The following PEAK1 variants were observed in gnomAD, a reference collection of about 807,000 sequenced individuals.
PEAK1 encodes the protein pseudopodium enriched atypical kinase 1.
In PEAK1, 54 loss-of-function variants were observed where a neutral mutation model predicts 124.7. The ratio of observed to expected loss-of-function variants is 0.43; its 90% CI spans 0.35 to 0.54. The LOEUF (loss-of-function observed/expected upper bound fraction) is 0.54, where lower values mean the gene tolerates loss of function less well. Among genes scored for constraint, PEAK1 ranks in the 20% least tolerant of loss-of-function variants. The pLI is 0.01. For missense variants in PEAK1, 2,046 were observed against 2,134.5 expected (o/e 0.96, Z 0.82); for synonymous variants, 719 against 760.0 (o/e 0.95, Z 0.89).
chr15:77,348,217 A>AGTTGG (rs2066989885), intron 2 of PEAK1: 2 of 978,134 alleles, frequency 2.0e-6, no homozygotes, highest in Non-Finnish European at 2.4e-6. Context: ...CTGGGATCAG[A>AGTTGG]GACCCACCTG....
At chr15:77,401,510 A>C in intron 1 of PEAK1, 1 of 970,056 alleles carries the variant, frequency 1.0e-6, no homozygotes, top group Non-Finnish European at 1.2e-6. Flanking sequence ...GAGTATAAGA[A>C]GAACAATACT....
chr15:77,387,891 T>C (rs999270191), intron 1 of PEAK1, among the ~76,000 whole-genome samples: 1 of 152,228 alleles, frequency 6.6e-6, no homozygotes, highest in African/African-American at 2.4e-5. Context: ...TTTTGGTATC[T>C]GGCCAACTAT....
chr15:77,413,845 A>T (rs1026133800), intron 1 of PEAK1, among the ~76,000 whole-genome samples: 1 of 152,164 alleles, frequency 6.6e-6, no homozygotes, highest in Admixed American at 6.5e-5. Context: ...TTTCTTTGAG[A>T]CAGGGTCTTA....
At chr15:77,362,720 C>T (rs1337721803) in intron 2 of PEAK1, among the ~76,000 whole-genome samples, 1 of 151,830 alleles carries the variant, frequency 6.6e-6, no homozygotes, top group Non-Finnish European at 1.5e-5. Flanking sequence ...AATAAGTGTT[C>T]ACAGCAGAAT....
chr15:77,183,941 C>A (rs1352862787), intron 6 of PEAK1, among the ~76,000 whole-genome samples: 1 of 152,106 alleles, frequency 6.6e-6, no homozygotes, highest in Non-Finnish European at 1.5e-5. Flanking sequence ...AAGCCTCTCA[C>A]CTCAGCCTCT....
At chr15:77,218,947 A>C (rs184515701) in intron 6 of PEAK1, among the ~76,000 whole-genome samples, 39 of 152,274 alleles carry the variant, frequency 2.6e-4, no homozygotes, top group Non-Finnish European at 4.1e-4. Flanking sequence ...GTATGAAGGT[A>C]AGAAATCATA....
chr15:77,388,258 C>T (rs773559606), intron 1 of PEAK1, among the ~76,000 whole-genome samples: 8 of 152,154 alleles, frequency 5.3e-5, no homozygotes, highest in African/African-American at 1.9e-4. Context: ...AGGTACAAAA[C>T]TTGAGCCTCT....
Position 77,114,569 on chromosome 15 carries a change from C to A in PEAK1, c.4828G>T (p.Asp1610Tyr), listed in dbSNP as rs1381192940. The change falls in exon 10 of 10, where the codon GAT becomes TAT. Residue 1610 changes from aspartate to tyrosine, a missense_variant. By Grantham distance (160) the Asp-to-Tyr change is radical. Coordinates refer to ENST00000682557, the MANE Select transcript of PEAK1 (RefSeq NM_001385026.1). ...YEMLHLPNPF[D>Y]ENPELKEREY... ...CTCTCCTTCAGCTCTGGGTTCTCAT[C>A]AAAGGGGTTGGGTAGGTGCAGCATC... is the stretch of plus-strand genomic sequence containing the variant. The A allele has an allele frequency of 1.2e-6, 2 of 1,614,096 alleles. No individual in the cohort carries two copies. Among genetic ancestry groups the A allele is most frequent in the Non-Finnish European group, 1.7e-6 (2 of 1,180,010 alleles).
At chr15:77,240,447 G>A (rs971060531) in intron 6 of PEAK1, among the ~76,000 whole-genome samples, 2 of 151,572 alleles carry the variant, frequency 1.3e-5, no homozygotes, top group East Asian at 1.9e-4. Context: ...CAGGAAGTCC[G>A]TCTCTACAAA....
chr15:77,155,339 C>T (rs1348769730), intron 8 of PEAK1: 1 of 152,256 alleles, frequency 6.6e-6, no homozygotes. Flanking sequence ...GCTCCATCAG[C>T]TCCTTTAAGG....
At chr15:77,293,024 G>T (rs58251942) in intron 2 of PEAK1, among the ~76,000 whole-genome samples, 1 of 152,196 alleles carries the variant, frequency 6.6e-6, no homozygotes, top group African/African-American at 2.4e-5. Flanking sequence ...GTCTTCTGCT[G>T]TATTACTCTA....
intron 1 of PEAK1, chr15:77,401,694 CATA>C (rs2071389520): frequency 2.0e-6 from 2 of 984,710 alleles, no homozygotes; most frequent in Non-Finnish European, 2.4e-6. Flanking sequence ...TAACACAGAG[CATA>C]ATGTCAAATG....
intron 1 of PEAK1, among the ~76,000 whole-genome samples, chr15:77,414,080 C>T (rs905054222): frequency 1.5e-5 from 2 of 133,104 alleles, no homozygotes; most frequent in African/African-American, 5.3e-5. Context: ...ACTTCAGCCT[C>T]CCATAGTACT....
chr15:77,216,045 T>C (rs1363933792), intron 6 of PEAK1, among the ~76,000 whole-genome samples: 2 of 152,226 alleles, frequency 1.3e-5, no homozygotes, highest in African/African-American at 4.8e-5. Context: ...TATCTTCCCA[T>C]ATAAATCTAA....
intron 6 of PEAK1, among the ~76,000 whole-genome samples, chr15:77,216,343 T>C (rs923263145): frequency 2.0e-5 from 3 of 152,218 alleles, no homozygotes; most frequent in Admixed American, 6.5e-5. Context: ...AATAAACTCA[T>C]ACTAAGTTGT....
chr15:77,410,070 TGTGTG>T lies in PEAK1; in HGVS notation c.-666+9931_-666+9935del, dbSNP rs148474693. Among the ~76,000 whole-genome samples the T allele has an allele frequency of 8.3e-3, 1,086 of 131,184 alleles. 14 individuals carry two copies. The highest frequency in any genetic ancestry group is 0.029 in the African/African-American group (1,031 of 35,864). The allele number at this position is 131,184 out of a possible 152,430, so 86.1% of individuals were successfully genotyped here. A position where few individuals can be genotyped will look rare whatever the true frequency, so the allele number is the denominator to read the frequency against. ...GTTTTGTTTTGTTTTTTGGTGTGTG[TGTGTG>T]TTTTTTTTTTTTTTAGACAGAGTTT... is the stretch of plus-strand genomic sequence containing the variant. On this transcript the variant is annotated intron_variant, in intron 1 of 9. Coordinates refer to ENST00000682557, the MANE Select transcript of PEAK1 (RefSeq NM_001385026.1).
intron 1 of PEAK1, among the ~76,000 whole-genome samples, chr15:77,410,727 G>C (rs1212776969): frequency 6.6e-6 from 1 of 152,104 alleles, no homozygotes; most frequent in East Asian, 1.9e-4. Context: ...ATATAAATAT[G>C]CTCAGATTTC....
At chr15:77,401,133 A>T (rs1339108478) in intron 1 of PEAK1, among the ~76,000 whole-genome samples, 1 of 152,186 alleles carries the variant, frequency 6.6e-6, no homozygotes, top group Non-Finnish European at 1.5e-5. Context: ...ACACTTTAAA[A>T]ACTCACATTC....
intron 1 of PEAK1, chr15:77,371,407 A>T (rs2068631442): frequency 1.0e-6 from 1 of 966,148 alleles, no homozygotes; most frequent in African/African-American, 1.8e-5. Flanking sequence ...GAAGCCATCA[A>T]AAAACTTAAA....
Sources: gnomAD v4.1 joint callset for allele counts (sites outside exome capture counted in the v4.1 genomes callset) on GRCh38, gnomAD v4.1.1 for gene constraint, MANE v1.5 for transcripts, NCBI Gene and HGNC (gene_info 2026-07-23, HGNC 2026-07-21) for gene names.